Variants in CIROZ observed in about 807,000 individuals in gnomAD.
CIROZ encodes the protein ciliated left-right organizer protein containing ZP-N domains.
chr1:10,956,757 G>A, the CIROZ span, among the ~76,000 whole-genome samples: 16 of 152,098 alleles, frequency 1.1e-4, no homozygotes, highest in East Asian at 7.7e-4. Context: ...GATTACAGGC[G>A]TGAGCCACCG....
At chr1:10,972,057 G>A in the CIROZ span, among the ~76,000 whole-genome samples, 26 of 150,544 alleles carry the variant, frequency 1.7e-4, no homozygotes, top group African/African-American at 6.0e-4. Context: ...CATCCACAGA[G>A]GCGTGCTAAA....
chr1:10,954,347 G>A, the CIROZ span, among the ~76,000 whole-genome samples: 11,526 of 151,788 alleles, frequency 0.076, 568 homozygotes, highest in East Asian at 0.21. Flanking sequence ...CCAGCTACTC[G>A]GGAGGCTGAG....
At chr1:10,973,959 C>CCCA in the CIROZ span, among the ~76,000 whole-genome samples, 4 of 144,516 alleles carry the variant, frequency 2.8e-5, no homozygotes, top group African/African-American at 1.0e-4. Flanking sequence ...AGGAAGGACC[C>CCCA]CCCCCACCAA....
chr1:10,982,055 C>A, the CIROZ span: 8 of 1,537,222 alleles, frequency 5.2e-6, no homozygotes, highest in South Asian at 9.5e-5. Context: ...CCCAGCAGCT[C>A]TCTCCTGCCC....
the CIROZ span, among the ~76,000 whole-genome samples, chr1:10,959,236 C>T: frequency 6.6e-6 from 1 of 152,310 alleles, no homozygotes; most frequent in Admixed American, 6.5e-5. The surrounding 1 kb of genome is among the most constrained non-coding windows in gnomAD (Gnocchi z 4.3). Context: ...CTTAGGGGCA[C>T]CAACCATCCC....
chr1:10,948,995 C>T, the CIROZ span: 3,833 of 654,316 alleles, frequency 5.9e-3, 124 homozygotes, highest in African/African-American at 0.062. Context: ...GAGGCCAAGG[C>T]GGGTGGATCA....
chr1:10,974,105 G>A, the CIROZ span, among the ~76,000 whole-genome samples: 24 of 152,214 alleles, frequency 1.6e-4, no homozygotes, highest in Non-Finnish European at 3.1e-4. This position sits in a 1 kb window ranked among gnomAD's most constrained non-coding sequence, Gnocchi z 4.4. Flanking sequence ...TTCCTGGGTG[G>A]AATGGGGCAG....
the CIROZ span, among the ~76,000 whole-genome samples, chr1:10,957,919 A>G: frequency 1.3e-5 from 2 of 152,216 alleles, no homozygotes; most frequent in African/African-American, 4.8e-5. Flanking sequence ...AGGAGAGTCA[A>G]CCAGACGCTA....
chr1:10,966,538 G>A, the CIROZ span: 2 of 1,469,870 alleles, frequency 1.4e-6, no homozygotes, highest in Non-Finnish European at 1.8e-6. Flanking sequence ...GGCTTCTCTG[G>A]CAGGGTCAGA....
chr1:10,977,950 C>A, the CIROZ span, among the ~76,000 whole-genome samples: 1 of 152,060 alleles, frequency 6.6e-6, no homozygotes, highest in African/African-American at 2.4e-5. Flanking sequence ...TGACAGATCA[C>A]CTGAGGTCAG....
the CIROZ span, among the ~76,000 whole-genome samples, chr1:10,956,525 GA>G: frequency 6.6e-6 from 1 of 151,374 alleles, no homozygotes; most frequent in Non-Finnish European, 1.5e-5. Context: ...CCCCAGGCTG[GA>G]GTGCAGTGGC....
At chr1:10,959,008 G>A in the CIROZ span, among the ~76,000 whole-genome samples, 911 of 152,354 alleles carry the variant, frequency 6.0e-3, 9 homozygotes, top group African/African-American at 0.02. The surrounding 1 kb of genome is among the most constrained non-coding windows in gnomAD (Gnocchi z 4.3). Flanking sequence ...GGTCCTGGGC[G>A]CAGCTGGTGA....
At chr1:10,973,162 G>A in the CIROZ span, among the ~76,000 whole-genome samples, 66 of 152,140 alleles carry the variant, frequency 4.3e-4, no homozygotes, top group African/African-American at 1.5e-3. Flanking sequence ...CACTTGAGGT[G>A]AAGAGTTCGA....
chr1:10,958,746 G>T, the CIROZ span: 4 of 1,613,984 alleles, frequency 2.5e-6, no homozygotes, highest in Non-Finnish European at 2.5e-6. Context: ...GGCAGGGGCC[G>T]GGAGACCTGC....
the CIROZ span, among the ~76,000 whole-genome samples, chr1:10,977,018 G>T: frequency 6.6e-6 from 1 of 152,168 alleles, no homozygotes; most frequent in Admixed American, 6.5e-5. Flanking sequence ...CATTAGCTGG[G>T]CATGGTGGCG....
the CIROZ span, among the ~76,000 whole-genome samples, chr1:10,965,742 G>C: frequency 2.0e-5 from 3 of 151,224 alleles, no homozygotes; most frequent in Non-Finnish European, 4.4e-5. Context: ...GGAATCGCTT[G>C]AACCTGGGAG....
At chr1:10,966,231 G>T in the CIROZ span, 1 of 1,232,964 alleles carries the variant, frequency 8.1e-7, no homozygotes, top group Non-Finnish European at 1.1e-6. Flanking sequence ...AGAGACTTCT[G>T]GTCTCCCTCA....
chr1:10,949,863 C>T, the CIROZ span: 67 of 1,458,042 alleles, frequency 4.6e-5, no homozygotes, highest in Admixed American at 1.0e-3. Flanking sequence ...GAAGCAAAAT[C>T]CTCCCAACAC....
the CIROZ span, chr1:10,948,877 C>T: frequency 6.8e-7 from 1 of 1,469,138 alleles, no homozygotes; most frequent in Middle Eastern, 1.8e-4. Context: ...AGAGAAAAAG[C>T]ATTAGAAACA....
Sources: allele counts gnomAD v4.1 joint callset (sites outside exome capture counted in the v4.1 genomes callset), GRCh38; gene constraint gnomAD v4.1.1; non-coding constraint Gnocchi (gnomAD v3.1); transcripts MANE v1.5; gene names NCBI Gene and HGNC (gene_info 2026-07-23, HGNC 2026-07-21).